Variants in CAPZA1 observed in about 807,000 individuals in gnomAD.
The protein encoded by CAPZA1 is capping actin protein of muscle Z-line subunit alpha 1.
Under a neutral mutation model 40.8 loss-of-function variants are expected in CAPZA1, and 10 were observed. The ratio of observed to expected loss-of-function variants is 0.25; its 90% CI spans 0.15 to 0.42. CAPZA1 has a LOEUF of 0.42. Among genes scored for constraint, CAPZA1 ranks in the 10% least tolerant of loss-of-function variants. The probability of loss-of-function intolerance (pLI) is 1.00; values close to 1 mark genes in which losing one functional copy is unlikely to be tolerated. For missense variants in CAPZA1, 277 were observed against 353.8 expected, an observed-to-expected ratio of 0.78 and a Z score of 1.74; for synonymous variants, 98 against 115.0, an observed-to-expected ratio of 0.85 and a Z score of 0.95.
chr1:112,669,961 C>G, intron 9 of CAPZA1, 31 bp from the exon 10 acceptor site: 1 of 1,612,842 alleles, frequency 6.2e-7, no homozygotes, highest in South Asian at 1.1e-5. Context: ...CATTTCTGTT[C>G]AAGCAACTCA....
chr1:112,638,967 G>GGTATAGATATAGAGATAGAGATATATAT (rs1671081410), intron 1 of CAPZA1, among the ~76,000 whole-genome samples: 1 of 148,364 alleles, frequency 6.7e-6, no homozygotes, highest in African/African-American at 2.5e-5. Context: ...GATATATATA[G>GGTATAGATATAGAGATAGAGATATATAT]AGAGAGAATA....
At chr1:112,660,201 A>G (rs1197767733) in intron 7 of CAPZA1, among the ~76,000 whole-genome samples, 1 of 151,928 alleles carries the variant, frequency 6.6e-6, no homozygotes, top group African/African-American at 2.4e-5. Flanking sequence ...CCTAAAAATT[A>G]TAACTAGAGA....
intron 1 of CAPZA1, among the ~76,000 whole-genome samples, chr1:112,622,596 G>C (rs1228324244): frequency 6.6e-6 from 1 of 152,182 alleles, no homozygotes; most frequent in Admixed American, 6.5e-5. Context: ...GGAAAAAAGT[G>C]TGACTAGCAT....
chr1:112,620,826 A>G (rs182677439), intron 1 of CAPZA1: 20 of 152,356 alleles, frequency 1.3e-4, no homozygotes, highest in African/African-American at 3.6e-4. Flanking sequence ...GCACAGTTTC[A>G]TAACAGTTTG....
intron 1 of CAPZA1, among the ~76,000 whole-genome samples, chr1:112,646,220 C>T (rs1557732403): frequency 1.3e-5 from 2 of 152,164 alleles, no homozygotes; most frequent in African/African-American, 2.4e-5. Context: ...CATAGCATTC[C>T]TTGTGCCCTC....
chr1:112,637,626 A>G (rs1177423509), intron 1 of CAPZA1, among the ~76,000 whole-genome samples: 1 of 152,068 alleles, frequency 6.6e-6, no homozygotes, highest in Non-Finnish European at 1.5e-5. Context: ...TTTTCTTGTT[A>G]TTTGTAATAG....
intron 2 of CAPZA1, among the ~76,000 whole-genome samples, chr1:112,648,084 C>A (rs1172006579): frequency 6.6e-6 from 1 of 152,050 alleles, no homozygotes; most frequent in African/African-American, 2.4e-5. Context: ...GTATGATATT[C>A]CTTTGTACCT....
chr1:112,632,531 A>T (rs1302004788), intron 1 of CAPZA1, among the ~76,000 whole-genome samples: 1 of 152,118 alleles, frequency 6.6e-6, no homozygotes, highest in Non-Finnish European at 1.5e-5. Context: ...ATTCTTGCTA[A>T]AACTGGGCTA....
chr1:112,632,021 A>G (rs760379139), intron 1 of CAPZA1, among the ~76,000 whole-genome samples: 12 of 152,200 alleles, frequency 7.9e-5, no homozygotes, highest in Non-Finnish European at 1.6e-4. Flanking sequence ...CAAAATTATT[A>G]TGGCCAGGTG....
chr1:112,633,069 T>G (rs934645716), intron 1 of CAPZA1, among the ~76,000 whole-genome samples: 5 of 152,210 alleles, frequency 3.3e-5, no homozygotes, highest in African/African-American at 1.2e-4. Context: ...ATTTAGAATT[T>G]TAAGAAACAC....
At chr1:112,658,815 C>A (rs755393938) in intron 5 of CAPZA1, among the ~76,000 whole-genome samples, 6 of 152,146 alleles carry the variant, frequency 3.9e-5, no homozygotes, top group Non-Finnish European at 8.8e-5. Flanking sequence ...AGCAGTATTT[C>A]CCTCTGTTTT....
chr1:112,659,570 C>T (rs1298250224), intron 6 of CAPZA1, 131 bp from the exon 7 acceptor site: 3 of 681,768 alleles, frequency 4.4e-6, no homozygotes, highest in Non-Finnish European at 7.4e-6. Context: ...CTGGAAATGA[C>T]AGTTTCTCTC....
chr1:112,640,613 C>T (rs567039909), intron 1 of CAPZA1, among the ~76,000 whole-genome samples: 1 of 151,014 alleles, frequency 6.6e-6, no homozygotes, highest in African/African-American at 2.4e-5. Flanking sequence ...GGTCAGCCCC[C>T]CGCCCGGCCA....
intron 1 of CAPZA1, among the ~76,000 whole-genome samples, chr1:112,638,377 CT>C (rs1671062754): frequency 6.6e-6 from 1 of 152,096 alleles, no homozygotes; most frequent in East Asian, 1.9e-4. Context: ...TGCAGTGGCA[CT>C]GTGTTGGCTC....
intron 3 of CAPZA1, among the ~76,000 whole-genome samples, chr1:112,650,663 C>A (rs1396821251): frequency 6.6e-6 from 1 of 152,194 alleles, no homozygotes; most frequent in African/African-American, 2.4e-5. Context: ...CCATATTGGT[C>A]CCAGTTTTAT....
chr1:112,659,036 T>A lies in CAPZA1; in HGVS notation c.441T>A (p.Thr147=). 2 of 1,613,206 alleles carry A rather than the reference T, an allele frequency of 1.2e-6. No individual in the cohort carries two copies. Among genetic ancestry groups the A allele is most frequent in the Non-Finnish European group, 8.5e-7 (1 of 1,179,242 alleles). ...CCCAACAATAGGTTTATGCTAAAAC[T>A]ATCGATGGGCAACAGACTATTATTG... ...SNGFCTVYAK[T]IDGQQTIIAC... is the part of the protein sequence containing the mutation. Residue 147 remains threonine (T), a synonymous_variant, in exon 6 of 10, where the codon ACT becomes ACA. Transcript: ENST00000263168.
At chr1:112,622,873 A>G (rs1670703552) in intron 1 of CAPZA1, among the ~76,000 whole-genome samples, 2 of 151,822 alleles carry the variant, frequency 1.3e-5, no homozygotes, top group African/African-American at 4.8e-5. Context: ...CACATGAAAA[A>G]TATTTTATAC....
At chr1:112,623,425 G>C (rs1441263243) in intron 1 of CAPZA1, among the ~76,000 whole-genome samples, 1 of 152,098 alleles carries the variant, frequency 6.6e-6, no homozygotes, top group African/African-American at 2.4e-5. Flanking sequence ...TCACGCCTGT[G>C]ACCCCAACAC....
intron 1 of CAPZA1, among the ~76,000 whole-genome samples, chr1:112,641,304 T>G (rs1397771104): frequency 1.3e-5 from 2 of 152,082 alleles, no homozygotes; most frequent in African/African-American, 4.8e-5. Flanking sequence ...TCTTATAACT[T>G]TTTGAACACA....
Sources: allele counts gnomAD v4.1 joint callset (sites outside exome capture counted in the v4.1 genomes callset), GRCh38; gene constraint gnomAD v4.1.1; transcripts MANE v1.5; gene names NCBI Gene and HGNC (gene_info 2026-07-23, HGNC 2026-07-21).